The following ERAP2 variants were observed in gnomAD, a reference collection of about 807,000 sequenced individuals.
ERAP2 encodes the protein leukocyte-derived arginine aminopeptidase.
In ERAP2, 118 loss-of-function variants were observed where a neutral mutation model predicts 111.1. The observed-to-expected ratio is 1.06, with a 90% CI of 0.92 to 1.24. The LOEUF is 1.24. Ranked by LOEUF, ERAP2 falls within the 50% of genes most tolerant of loss-of-function variation. The pLI, the probability that ERAP2 is intolerant of heterozygous loss-of-function variation, is 0.00. For missense variants in ERAP2, 1,131 were observed against 1,125.8 expected, an observed-to-expected ratio of 1.00 and a Z score of -0.07; for synonymous variants, 410 against 401.2, an observed-to-expected ratio of 1.02 and a Z score of -0.26.
At chr5:96,891,483 A>G (rs185909589) in intron 5 of ERAP2, among the ~76,000 whole-genome samples, 73,194 of 137,858 alleles carry the variant, frequency 0.53, 19,186 homozygotes, top group Middle Eastern at 0.61. Context: ...ATATATATAT[A>G]TGTGTGTGTG....
Position 96,917,617 on chromosome 5 carries a change from A to T in ERAP2, c.*12A>T, listed in dbSNP as rs947624367. Reference sequence around the variant, plus strand: ...TGGTTAATACTTAAATGGTCAATAGAAAAAGTAGGCTGGGCGCGGTGGCTC... The same window carrying T: ...TGGTTAATACTTAAATGGTCAATAGTAAAAGTAGGCTGGGCGCGGTGGCTC... On this transcript the variant is annotated 3_prime_UTR_variant, in exon 19 of 19. Transcript: ENST00000437043. 1.6e-5 allele frequency: 26 copies of T among 1,607,390 alleles called. No individual in the cohort carries two copies. In the Middle Eastern group the frequency reaches 1.8e-3, roughly 113 times the overall value.
chr5:96,882,883 C>A (rs1472131443), intron 2 of ERAP2, among the ~76,000 whole-genome samples: 2 of 152,284 alleles, frequency 1.3e-5, no homozygotes, highest in Non-Finnish European at 2.9e-5. Flanking sequence ...CTTATTTGAG[C>A]TATTCTATTC....
intron 3 of ERAP2, among the ~76,000 whole-genome samples, chr5:96,884,615 T>C (rs1783533536): frequency 6.6e-6 from 1 of 152,202 alleles, no homozygotes; most frequent in Non-Finnish European, 1.5e-5. Context: ...TGGAGTGCAA[T>C]GGCGTGATCT....
Position 96,895,239 on chromosome 5 carries a change from CTCCT to C in ERAP2, c.1126-6_1126-3del. 6.4e-7 allele frequency: 1 copy of C among 1,550,686 alleles called. No homozygotes were observed. Among genetic ancestry groups the C allele is most frequent in the South Asian group, 1.2e-5 (1 of 85,672 alleles). On this transcript the variant is annotated splice_polypyrimidine_tract_variant and splice_region_variant and intron_variant, in intron 6 of 18. Coordinates refer to ENST00000437043, the MANE Select transcript of ERAP2 (RefSeq NM_022350.5). The stretch of plus-strand genomic sequence containing the variant: ...ACTTCTAATAATATTGAGTTTTTAC[CTCCT>C]AGTGGTTTGGCAACCTGGTCACAAT...
At chr5:96,916,924 T>C (rs1044669604) in intron 18 of ERAP2, among the ~76,000 whole-genome samples, 5 of 152,174 alleles carry the variant, frequency 3.3e-5, no homozygotes, top group Non-Finnish European at 5.9e-5. Flanking sequence ...TTTAGCCACA[T>C]TGTGGTCACT....
chr5:96,890,952 A>G (rs1436366434), intron 5 of ERAP2, among the ~76,000 whole-genome samples: 1 of 152,210 alleles, frequency 6.6e-6, no homozygotes, highest in Non-Finnish European at 1.5e-5. Flanking sequence ...CTTTAAGACT[A>G]ACGGAAAAGA....
intron 4 of ERAP2, among the ~76,000 whole-genome samples, chr5:96,887,073 G>GTATATATATATATATATATA (rs35218383): frequency 1.1e-5 from 1 of 87,164 alleles, no homozygotes; most frequent in Non-Finnish European, 2.3e-5. Context: ...AATTTTCAAA[G>GTATATATATATATATATATA]TATATATATA....
intron 13 of ERAP2, among the ~76,000 whole-genome samples, chr5:96,904,291 G>T (rs571650490): frequency 6.6e-6 from 1 of 152,336 alleles, no homozygotes; most frequent in East Asian, 1.9e-4. Flanking sequence ...AATGGCTGGA[G>T]GGAATTGAGG....
chr5:96,896,965 T>TAAGTCATATGTTGGGTAACGATACACTG, intron 9 of ERAP2, 102 bp downstream of exon 9: 2 of 987,684 alleles, frequency 2.0e-6, no homozygotes, highest in Non-Finnish European at 2.8e-6. Context: ...GTCAACCATA[T>TAAGTCATATGTTGGGTAACGATACACTG]TTATTCTGCT....
chr5:96,894,559 A>G (rs1784676657), intron 6 of ERAP2, among the ~76,000 whole-genome samples: 1 of 152,234 alleles, frequency 6.6e-6, no homozygotes, highest in African/African-American at 2.4e-5. Context: ...AAAGCACATA[A>G]AAGAATAGTA....
At chr5:96,902,667 C>G in intron 12 of ERAP2, 1 of 195,240 alleles carries the variant, frequency 5.1e-6, no homozygotes. Flanking sequence ...AAAAAATGTT[C>G]AGTGGAAAAA....
In ERAP2 at chr5:96,917,365, C is replaced by A. The variant is rs893374710; in HGVS notation, c.2740-97C>A. 3 of 1,154,268 alleles carry A rather than the reference C, an allele frequency of 2.6e-6. No homozygotes were observed. The African/African-American group carries it at 4.7e-5, about 18-fold the overall frequency. 71.5% of individuals were successfully genotyped at this position (1,154,268 alleles called of 1,614,324 possible). A position where few individuals can be genotyped will look rare whatever the true frequency, so the allele number is the denominator to read the frequency against. On this transcript the variant is annotated intron_variant, in intron 18 of 18. Transcript: ENST00000437043. ...TGAACTCCTGAGCTCAATTGATCTG[C>A]CCACCTTGGCCTCCCGAAGTGCTGG...
intron 1 of ERAP2, 31 bp from the exon 2 acceptor site, chr5:96,879,533 G>T: frequency 1.7e-6 from 1 of 575,716 alleles, no homozygotes; most frequent in South Asian, 2.7e-5. Flanking sequence ...AATCTTTTTT[G>T]TCATGCTATA....
In ERAP2 at chr5:96,913,464, AT is replaced by A; in HGVS notation, c.2657+9del. The A allele has an allele frequency of 6.2e-7, 1 of 1,613,698 alleles. No individual in the cohort carries two copies. Among genetic ancestry groups the A allele is most frequent in the South Asian group, 1.1e-5 (1 of 91,004 alleles). ...GGACCCATCTTCTGAAAAAGTTGGT[AT>A]TCATTTTCATCCAATGTTTGTTCTT... On this transcript the variant is annotated splice_region_variant and intron_variant, in intron 17 of 18. Coordinates refer to ENST00000437043, the MANE Select transcript of ERAP2 (RefSeq NM_022350.5).
intron 6 of ERAP2, among the ~76,000 whole-genome samples, chr5:96,894,178 C>T (rs945564219): frequency 2.0e-5 from 3 of 152,198 alleles, no homozygotes; most frequent in African/African-American, 7.2e-5. Context: ...GCAGTAGGTT[C>T]TCCGTAGGTA....
At chr5:96,881,200 T>C (rs145960687) in intron 2 of ERAP2, 51 of 346,162 alleles carry the variant, frequency 1.5e-4, no homozygotes, top group Middle Eastern at 1.0e-3. Flanking sequence ...CTCTGATTTA[T>C]GCTTTATAAA....
rs1054063379 is a variant in ERAP2 at position 96,878,605 on chromosome 5, GCAACATGGTGA to G, written c.-122-956_-122-946del. 1.5e-3 allele frequency among the ~76,000 whole-genome samples: 226 copies of G among 152,186 alleles called. 1 individual carries two copies. The highest frequency in any genetic ancestry group is 5.2e-3 in the African/African-American group (218 of 41,524). ...CCCCAGGAATTTGAGGCCAGCCTGG[GCAACATGGTGA>G]CACATTGTCTTTCAAAAAAAATAAA... On this transcript the variant is annotated intron_variant, in intron 1 of 18. Transcript: ENST00000437043.
intron 6 of ERAP2, among the ~76,000 whole-genome samples, chr5:96,894,255 A>G (rs1359394175): frequency 3.9e-5 from 6 of 152,192 alleles, no homozygotes; most frequent in Non-Finnish European, 7.4e-5. Context: ...TTTATCCTGT[A>G]CTTCTTATAT....
chr5:96,904,494 G>GCT (rs1011298117), intron 13 of ERAP2, among the ~76,000 whole-genome samples: 1 of 152,162 alleles, frequency 6.6e-6, no homozygotes, highest in African/African-American at 2.4e-5. Flanking sequence ...AAAGAAAAGA[G>GCT]GAAGTGAGGC....
Sources: gnomAD v4.1 joint callset for allele counts (sites outside exome capture counted in the v4.1 genomes callset) on GRCh38, gnomAD v4.1.1 for gene constraint, MANE v1.5 for transcripts, NCBI Gene and HGNC (gene_info 2026-07-23, HGNC 2026-07-21) for gene names.